The following IP6K1 variants were observed in gnomAD, a reference collection of about 807,000 sequenced individuals.
The protein encoded by IP6K1 is ATP:1D-myo-inositol-hexakisphosphate phosphotransferase.
In IP6K1, 13 loss-of-function variants were observed where a neutral mutation model predicts 38.3. The observed-to-expected ratio is 0.34, with a 90% confidence interval of 0.22 to 0.54. The LOEUF (loss-of-function observed/expected upper bound fraction) is 0.54. Ranked by LOEUF, IP6K1 falls within the 20% of genes least tolerant of loss-of-function variation. The probability of loss-of-function intolerance (pLI) is 0.92; values close to 1 mark genes in which losing one functional copy is unlikely to be tolerated. For synonymous variants in IP6K1, 212 were observed against 229.9 expected (o/e 0.92, Z 0.70); for missense variants, 397 against 599.8 (o/e 0.66, Z 3.53).
intron 1 of IP6K1, among the ~76,000 whole-genome samples, chr3:49,780,577 C>T (rs1025037221): frequency 6.6e-6 from 1 of 152,090 alleles, no homozygotes; most frequent in African/African-American, 2.4e-5. Flanking sequence ...GGGCAGGCAG[C>T]AAATACTGCC....
chr3:49,733,691 G>A (rs1049161182), intron 3 of IP6K1, among the ~76,000 whole-genome samples: 3 of 152,198 alleles, frequency 2.0e-5, no homozygotes, highest in Non-Finnish European at 2.9e-5. Flanking sequence ...CTCATGTGAG[G>A]TAACTGCAAA....
intron 4 of IP6K1, among the ~76,000 whole-genome samples, chr3:49,728,548 T>A (rs2080533427): frequency 6.6e-6 from 1 of 152,186 alleles, no homozygotes; most frequent in African/African-American, 2.4e-5. Flanking sequence ...CACAACCATC[T>A]ATCTCTACTC....
intron 3 of IP6K1, among the ~76,000 whole-genome samples, chr3:49,734,942 G>A (rs7649348): frequency 0.53 from 80,970 of 151,962 alleles, 22,384 homozygotes; most frequent in East Asian, 0.82. Flanking sequence ...TCACCTTCAG[G>A]GCAGGACCTT....
intron 1 of IP6K1, among the ~76,000 whole-genome samples, chr3:49,750,607 C>T (rs1030970159): frequency 6.6e-6 from 1 of 151,664 alleles, no homozygotes; most frequent in Non-Finnish European, 1.5e-5. Flanking sequence ...AGCTGAGGCA[C>T]AAGAATCACT....
At chr3:49,775,447 G>A in intron 1 of IP6K1, 1 of 483,064 alleles carries the variant, frequency 2.1e-6, no homozygotes, top group South Asian at 3.0e-5. Flanking sequence ...TCTTAGCAGG[G>A]GTGCCGTGTG....
chr3:49,767,017 A>G (rs1193864878), intron 1 of IP6K1, among the ~76,000 whole-genome samples: 3 of 148,700 alleles, frequency 2.0e-5, no homozygotes, highest in African/African-American at 7.4e-5. Context: ...GAAATCCTAC[A>G]GTTTTGGGAA....
intron 1 of IP6K1, among the ~76,000 whole-genome samples, chr3:49,750,310 G>A (rs2080761695): frequency 6.6e-6 from 1 of 152,144 alleles, no homozygotes; most frequent in African/African-American, 2.4e-5. Context: ...CACAAGGAGA[G>A]TGCTAAATTT....
At chr3:49,740,227 T>C (rs77473999) in intron 2 of IP6K1, among the ~76,000 whole-genome samples, 17,502 of 122,496 alleles carry the variant, frequency 0.14, 1,392 homozygotes, top group Middle Eastern at 0.26. Context: ...AATTTGCAAT[T>C]CTTTTTTTTT....
Position 49,727,754 on chromosome 3 carries a change from G to A in IP6K1, c.793-99C>T. ...GTCTGGAAGGGACTTTGACCAACCT[G>A]AGCTTTTCTGCTCACCTATCTAAGT... On this transcript the variant is annotated intron_variant, in intron 5 of 5. Transcript: ENST00000321599. This position sits in a 1 kb window ranked among gnomAD's most constrained non-coding sequence, Gnocchi z 5.9. 1 of 1,230,316 alleles carries A rather than the reference G, an allele frequency of 8.1e-7. No individual in the cohort carries two copies. Among genetic ancestry groups the A allele is most frequent in the South Asian group, 1.5e-5 (1 of 66,826 alleles). The allele number at this position is 1,230,316 out of a possible 1,614,324, so 76.2% of individuals were successfully genotyped here.
At chr3:49,760,295 C>T (rs1271665204) in intron 1 of IP6K1, among the ~76,000 whole-genome samples, 1 of 152,136 alleles carries the variant, frequency 6.6e-6, no homozygotes, top group Non-Finnish European at 1.5e-5. Flanking sequence ...CCTTCACCTA[C>T]GCAAACCCAT....
At chr3:49,752,285 A>G (rs1425046757) in intron 1 of IP6K1, among the ~76,000 whole-genome samples, 1 of 152,108 alleles carries the variant, frequency 6.6e-6, no homozygotes, top group Admixed American at 6.6e-5. Context: ...CAGGAGATTG[A>G]GACCATCCTG....
In IP6K1 at chr3:49,727,789, C is replaced by A. The variant is rs999783725; in HGVS notation, c.793-134G>T. 5 of 911,952 alleles carry A rather than the reference C, an allele frequency of 5.5e-6. No individual in the cohort carries two copies. The highest frequency in any genetic ancestry group is 3.4e-5 in the African/African-American group (2 of 59,336). 56.5% of individuals were successfully genotyped at this position (911,952 alleles called of 1,614,324 possible). A position where few individuals can be genotyped will look rare whatever the true frequency, so the allele number is the denominator to read the frequency against. On this transcript the variant is annotated intron_variant, in intron 5 of 5. Transcript: ENST00000321599. The surrounding 1 kb of genome is among the most constrained non-coding windows in gnomAD (Gnocchi z 5.9). ...GCTCACCTATCTAAGTGGAACCAGG[C>A]AGGCCACATTCACCCTGGGTTTTCC...
chr3:49,752,181 A>T (rs924243846), intron 1 of IP6K1, among the ~76,000 whole-genome samples: 14 of 150,874 alleles, frequency 9.3e-5, no homozygotes, highest in Non-Finnish European at 1.9e-4. Flanking sequence ...ACTTAAAAAA[A>T]TTTTTTTTTT....
intron 2 of IP6K1, among the ~76,000 whole-genome samples, chr3:49,741,051 T>C (rs546672607): frequency 6.6e-6 from 1 of 152,248 alleles, no homozygotes; most frequent in East Asian, 1.9e-4. Flanking sequence ...GGTTTTGCCA[T>C]GTTAGCCAGG....
intron 3 of IP6K1, among the ~76,000 whole-genome samples, chr3:49,737,620 A>C (rs1224764863): frequency 1.3e-5 from 2 of 152,240 alleles, no homozygotes; most frequent in Non-Finnish European, 2.9e-5. Context: ...CAGGAGGGAG[A>C]GGTTGCAGTG....
chr3:49,727,978 T>A lies in IP6K1; in HGVS notation c.792+125A>T, dbSNP rs2080524051. ...AGTGGTCCTGCACCTGAGGCCCATA[T>A]CAAAGTCAACAGGTAAGGACAGAGG... On this transcript the variant is annotated intron_variant, in intron 5 of 5. Transcript: ENST00000321599. The surrounding 1 kb of genome is among the most constrained non-coding windows in gnomAD (Gnocchi z 5.9). 1 of 954,854 alleles carries A rather than the reference T, an allele frequency of 1.0e-6. No individual in the cohort carries two copies. Among genetic ancestry groups the A allele is most frequent in the African/African-American group, 1.6e-5 (1 of 61,218 alleles). The allele number at this position is 954,854 out of a possible 1,614,324, so 59.1% of individuals were successfully genotyped here. A position where few individuals can be genotyped will look rare whatever the true frequency, so the allele number is the denominator to read the frequency against.
intron 1 of IP6K1, among the ~76,000 whole-genome samples, chr3:49,779,295 G>A (rs2081045266): frequency 6.6e-6 from 1 of 152,198 alleles, no homozygotes; most frequent in African/African-American, 2.4e-5. Flanking sequence ...GTTGTAACAT[G>A]TATCACACTT....
intron 1 of IP6K1, among the ~76,000 whole-genome samples, chr3:49,763,919 G>A (rs2080887314): frequency 6.6e-6 from 1 of 152,136 alleles, no homozygotes; most frequent in African/African-American, 2.4e-5. Context: ...CTACTCGGGA[G>A]GCTGAGGCAG....
At chr3:49,731,500 C>A (rs2080561314) in intron 4 of IP6K1, among the ~76,000 whole-genome samples, 1 of 152,152 alleles carries the variant, frequency 6.6e-6, no homozygotes, top group South Asian at 2.1e-4. Flanking sequence ...ACCCTGGAAG[C>A]ATGGGCTCTG....
Sources: allele counts gnomAD v4.1 joint callset (sites outside exome capture counted in the v4.1 genomes callset), GRCh38; gene constraint gnomAD v4.1.1; non-coding constraint Gnocchi (gnomAD v3.1); transcripts MANE v1.5; gene names NCBI Gene and HGNC (gene_info 2026-07-23, HGNC 2026-07-21).